Variants in HACD3 observed in about 807,000 individuals in gnomAD.
The protein encoded by HACD3 is very-long-chain (3R)-3-hydroxyacyl-CoA dehydratase 3.
HACD3 carries 30 observed loss-of-function variants against 55.2 expected under a neutral mutation model. That is an observed-to-expected ratio of 0.54 (90% CI 0.41 to 0.74). The LOEUF (loss-of-function observed/expected upper bound fraction) is 0.74, where lower values mean the gene tolerates loss of function less well. HACD3 is among the 30% of genes least tolerant of loss of function. The pLI is 0.00. For synonymous variants in HACD3, 141 were observed against 151.7 expected (o/e 0.93, Z 0.52); for missense variants, 363 against 440.1 (o/e 0.82, Z 1.57).
rs1567335938 is a variant in HACD3 at position 65,554,936 on chromosome 15, G to A, written c.180G>A (p.Glu60=). ...ACAATGTCTATGAATTTCACCTGGA[G>A]TTCTTAGACCTTGTGAAACCAGAGG... ...KGDNVYEFHL[E]FLDLVKPEPV... is the part of the protein sequence containing the mutation. Residue 60 remains glutamate (E), a synonymous_variant, in exon 3 of 11, where the codon GAG becomes GAA. Coordinates refer to ENST00000261875, the MANE Select transcript of HACD3 (RefSeq NM_016395.4). The A allele has an allele frequency of 3.1e-6, 5 of 1,611,300 alleles. No individual in the cohort carries two copies. Among genetic ancestry groups the A allele is most frequent in the East Asian group, 2.2e-5 (1 of 44,846 alleles).
intron 1 of HACD3, among the ~76,000 whole-genome samples, chr15:65,539,884 A>G (rs1246555956): frequency 6.6e-6 from 1 of 152,222 alleles, no homozygotes; most frequent in Non-Finnish European, 1.5e-5. Flanking sequence ...TTTTTGTGAC[A>G]TGTCAAATCA....
At chr15:65,538,947 C>G (rs1423610377) in intron 1 of HACD3, among the ~76,000 whole-genome samples, 1 of 152,144 alleles carries the variant, frequency 6.6e-6, no homozygotes, top group Admixed American at 6.5e-5. Flanking sequence ...GGTATGTACA[C>G]TGTTTTTTAG....
At chr15:65,537,952 AAAAAAAATATAT>A (rs2071976372) in intron 1 of HACD3, among the ~76,000 whole-genome samples, 2 of 23,166 alleles carry the variant, frequency 8.6e-5, no homozygotes, top group East Asian at 3.5e-3. Context: ...AAAAAAAAAA[AAAAAAAATATAT>A]ATATATATAT....
chr15:65,562,141 C>T (rs1009045149), intron 5 of HACD3, among the ~76,000 whole-genome samples: 3 of 152,182 alleles, frequency 2.0e-5, no homozygotes, highest in Admixed American at 6.5e-5. Flanking sequence ...ATGACTGAAG[C>T]GTGTTGAACT....
chr15:65,531,563 T>TTTC (rs1567328366), intron 1 of HACD3: 8 of 151,268 alleles, frequency 5.3e-5, no homozygotes, highest in African/African-American at 2.0e-4. Flanking sequence ...TTCTTTCTTT[T>TTTC]TTTTTCTTTT....
chr15:65,533,619 C>T (rs1245618217), intron 1 of HACD3, among the ~76,000 whole-genome samples: 1 of 150,586 alleles, frequency 6.6e-6, no homozygotes, highest in Non-Finnish European at 1.5e-5. Context: ...AATAACATGG[C>T]CTGGCTGTGA....
chr15:65,565,761 G>GT (rs1380803700), intron 7 of HACD3: 2 of 152,204 alleles, frequency 1.3e-5, no homozygotes, highest in African/African-American at 4.8e-5. Context: ...TGGGGATTAC[G>GT]TTAGGCTCCT....
At chr15:65,549,426 GAAAA>G (rs34149100) in intron 1 of HACD3, among the ~76,000 whole-genome samples, 4 of 111,064 alleles carry the variant, frequency 3.6e-5, no homozygotes, top group African/African-American at 1.3e-4. Flanking sequence ...TCTCTGCTGG[GAAAA>G]AAAAAAAAAA....
At chr15:65,554,847 C>G in intron 2 of HACD3, 40 bp from the exon 3 acceptor site, 1 of 1,480,638 alleles carries the variant, frequency 6.8e-7, no homozygotes, top group Non-Finnish European at 9.4e-7. Flanking sequence ...TGGCCTTGCT[C>G]TGCTCAAGTT....
At chr15:65,552,799 G>A (rs1284623206) in intron 2 of HACD3, among the ~76,000 whole-genome samples, 2 of 151,186 alleles carry the variant, frequency 1.3e-5, no homozygotes, top group Non-Finnish European at 2.9e-5. Flanking sequence ...CCACTAACTC[G>A]TCATCTAGCA....
At chr15:65,530,981 C>T (rs891381267) in intron 1 of HACD3, 4 of 450,338 alleles carry the variant, frequency 8.9e-6, no homozygotes, top group Non-Finnish European at 1.6e-5. Context: ...CCCCGGGCCT[C>T]TTCTTTGTTC....
At chr15:65,568,735 A>T (rs2072318172) in intron 7 of HACD3, among the ~76,000 whole-genome samples, 1 of 152,190 alleles carries the variant, frequency 6.6e-6, no homozygotes, top group Non-Finnish European at 1.5e-5. Flanking sequence ...TTTAAAGACG[A>T]GCTCAAATTG....
chr15:65,568,173 C>T (rs1238309903), intron 7 of HACD3, among the ~76,000 whole-genome samples: 32 of 151,912 alleles, frequency 2.1e-4, no homozygotes, highest in East Asian at 9.7e-4. Context: ...CTACCCGCCT[C>T]GGCCTTCCAA....
chr15:65,569,172 C>T lies in HACD3; in HGVS notation c.661-919C>T, dbSNP rs903938307. On this transcript the variant is annotated intron_variant, in intron 7 of 10. Transcript: ENST00000261875. ...CTGAGGCAGGAGAATGGCATGAACCCGGGAGGCGGAGCTTGCAGTGAGCCA... is the reference window on the plus strand; with the variant it reads ...CTGAGGCAGGAGAATGGCATGAACCTGGGAGGCGGAGCTTGCAGTGAGCCA... Among the ~76,000 whole-genome samples the T allele has an allele frequency of 6.0e-5, 9 of 148,870 alleles. No homozygotes were observed. The East Asian group carries it at 6.1e-4, about 10-fold the overall frequency.
chr15:65,532,225 C>T (rs773047533), intron 1 of HACD3, among the ~76,000 whole-genome samples: 1 of 152,108 alleles, frequency 6.6e-6, no homozygotes, highest in Admixed American at 6.6e-5. Flanking sequence ...CTGTCTCCCT[C>T]TACTGCTCCA....
chr15:65,553,613 C>T (rs960947149), intron 2 of HACD3, among the ~76,000 whole-genome samples: 1 of 152,172 alleles, frequency 6.6e-6, no homozygotes, highest in African/African-American at 2.4e-5. Flanking sequence ...TGAGAGTAGT[C>T]ACCACTCAGC....
intron 1 of HACD3, among the ~76,000 whole-genome samples, chr15:65,538,777 A>G (rs1482612126): frequency 6.6e-6 from 1 of 152,214 alleles, no homozygotes; most frequent in Admixed American, 6.5e-5. Context: ...TCCTCCTTTA[A>G]GAAATTGCCA....
intron 4 of HACD3, among the ~76,000 whole-genome samples, chr15:65,557,177 A>G (rs2072200383): frequency 6.6e-6 from 1 of 152,220 alleles, no homozygotes; most frequent in African/African-American, 2.4e-5. Context: ...TTATCACATC[A>G]TATCAAGAGT....
chr15:65,539,088 C>T (rs1260895418), intron 1 of HACD3, among the ~76,000 whole-genome samples: 2 of 151,922 alleles, frequency 1.3e-5, no homozygotes, highest in South Asian at 2.1e-4. Context: ...GGAACAGAAC[C>T]TACAATAGCT....
Sources: allele counts gnomAD v4.1 joint callset (sites outside exome capture counted in the v4.1 genomes callset), GRCh38; gene constraint gnomAD v4.1.1; transcripts MANE v1.5; gene names NCBI Gene and HGNC (gene_info 2026-07-23, HGNC 2026-07-21).